The following ACSM2B variants were observed in gnomAD, a reference collection of about 807,000 sequenced individuals.
ACSM2B encodes acyl-coenzyme A synthetase ACSM2B, mitochondrial.
Under a neutral mutation model 78.6 loss-of-function variants are expected in ACSM2B, and 58 were observed. That is an observed-to-expected ratio of 0.74 (90% CI 0.60 to 0.92). The LOEUF (loss-of-function observed/expected upper bound fraction) is 0.92, where lower values mean the gene tolerates loss of function less well. Among genes scored for constraint, ACSM2B ranks in the 40% least tolerant of loss-of-function variants. The pLI is 0.00. For missense variants in ACSM2B, 688 were observed against 711.2 expected, an observed-to-expected ratio of 0.97 and a Z score of 0.37; for synonymous variants, 257 against 256.8, an observed-to-expected ratio of 1.00 and a Z score of -0.01.
chr16:20,548,600 T>C lies in ACSM2B; in HGVS notation c.895-127A>G. ...TGGATGAAAACCCTAGCTTGTTTAC[T>C]ATGTCTGATTCAAGTTAAATGAGCC... On this transcript the variant is annotated intron_variant, in intron 6 of 13. Coordinates refer to ENST00000329697, the MANE Select transcript of ACSM2B (RefSeq NM_001105069.2). 8 of 1,561,510 alleles carry C rather than the reference T, an allele frequency of 5.1e-6. No individual in the cohort carries two copies. The South Asian group carries it at 8.3e-5, about 16-fold the overall frequency.
chr16:20,541,003 C>G (rs2014973411), intron 12 of ACSM2B: 1 of 429,158 alleles, frequency 2.3e-6, no homozygotes. Flanking sequence ...CCAGGCTCAC[C>G]TCATGCTCCA....
chr16:20,559,741 T>C, intron 2 of ACSM2B, among the ~76,000 whole-genome samples: 1 of 151,052 alleles, frequency 6.6e-6, no homozygotes, highest in East Asian at 1.9e-4. Context: ...AATGATAAAG[T>C]GTACTTTTCA....
intron 1 of ACSM2B, among the ~76,000 whole-genome samples, chr16:20,573,060 A>G (rs1290915129): frequency 6.7e-6 from 1 of 149,252 alleles, no homozygotes; most frequent in Non-Finnish European, 1.5e-5. Flanking sequence ...ATACTTTCTC[A>G]GGTAAATTAG....
intron 1 of ACSM2B, chr16:20,574,218 T>C (rs1439018436): frequency 1.3e-5 from 2 of 151,982 alleles, no homozygotes; most frequent in Non-Finnish European, 2.9e-5. Flanking sequence ...AGAAGAAAAA[T>C]ATGGCTCTAT....
rs112627856 is a variant in ACSM2B at position 20,547,063 on chromosome 16, T to A, written c.1099-589A>T. ...AACAGATGAGTGGTGGATGCCTCAC[T>A]GACAGAGACACAGATTGTCATTTTC... On this transcript the variant is annotated intron_variant, in intron 8 of 13. Coordinates refer to ENST00000329697, the MANE Select transcript of ACSM2B (RefSeq NM_001105069.2). 1,655 of 938,680 alleles carry A rather than the reference T, an allele frequency of 1.8e-3. 24 individuals are homozygous for A. The South Asian group carries it at 0.027, about 16-fold the overall frequency. 58.1% of individuals were successfully genotyped at this position (938,680 alleles called of 1,614,324 possible). A position where few individuals can be genotyped will look rare whatever the true frequency, so the allele number is the denominator to read the frequency against.
rs1003653014 is a variant in ACSM2B, at chr16:20,545,974, C to T, written c.1179+420G>A. On this transcript the variant is annotated intron_variant, in intron 9 of 13. Coordinates refer to ENST00000329697, the MANE Select transcript of ACSM2B (RefSeq NM_001105069.2). ...TTGGTCCGATAAAAGGCATAAACAG[C>T]AGTGGATACATACTATTTAATACTA... Among the ~76,000 whole-genome samples the T allele has an allele frequency of 1.3e-4, 20 of 152,296 alleles. 1 individual carries two copies. Among genetic ancestry groups the T allele is most frequent in the African/African-American group, 4.3e-4 (18 of 41,564 alleles).
At position 20,559,467 on chromosome 16, in the gene ACSM2B, G is replaced by A; in HGVS notation, c.178-20C>T. 1 of 1,612,254 alleles carries A rather than the reference G, an allele frequency of 6.2e-7. No individual in the cohort carries two copies. The highest frequency in any genetic ancestry group is 8.5e-7 in the Non-Finnish European group (1 of 1,179,070). On this transcript the variant is annotated intron_variant, in intron 2 of 13. Coordinates refer to ENST00000329697, the MANE Select transcript of ACSM2B (RefSeq NM_001105069.2). ...GCCAGCCTGAGGAAAGAGAAACCCT[G>A]TTGATTAGGGGGCATTGGTACACAA...
chr16:20,550,295 C>T (rs530436883), intron 6 of ACSM2B, among the ~76,000 whole-genome samples: 1 of 152,210 alleles, frequency 6.6e-6, no homozygotes, highest in East Asian at 1.9e-4. Context: ...GCAATAATTT[C>T]CTTCAAATGT....
At chr16:20,567,508 T>TATA (rs1309411185) in intron 1 of ACSM2B, among the ~76,000 whole-genome samples, 7 of 126,412 alleles carry the variant, frequency 5.5e-5, no homozygotes, top group African/African-American at 1.2e-4. Context: ...ATAAAATATA[T>TATA]AAATAATATA....
intron 1 of ACSM2B, among the ~76,000 whole-genome samples, chr16:20,570,361 A>G (rs889758778): frequency 6.6e-6 from 1 of 151,908 alleles, no homozygotes; most frequent in African/African-American, 2.4e-5. Flanking sequence ...GGTGTATCAC[A>G]TTTATTGACT....
In ACSM2B at chr16:20,559,245, A is replaced by G. The variant is rs1340842714; in HGVS notation, c.380T>C (p.Ile127Thr). 6.2e-7 allele frequency: 1 copy of G among 1,611,774 alleles called. No individual in the cohort carries two copies. The highest frequency in any genetic ancestry group is 8.5e-7 in the Non-Finnish European group (1 of 1,178,672). Residue 127 changes from isoleucine (I) to threonine (T), a missense_variant, in exon 3 of 14, where the codon ATT becomes ACT. Physicochemically the swap from Ile to Thr is moderately conservative, Grantham distance 89 (BLOSUM62 -1). Transcript: ENST00000329697. ...GGTAGTCAGTTACCAACCTGCTCGA[A>G]TGCAGCCCAGGATCACCAGCCACCA... ...PEWWLVILGC[I>T]RAGLIFMPGT...
intron 13 of ACSM2B, among the ~76,000 whole-genome samples, chr16:20,540,214 TTTTTTTTTTG>T (rs2014946549): frequency 4.5e-5 from 3 of 66,368 alleles, no homozygotes. Flanking sequence ...GGAAGAGTTG[TTTTTTTTTTG>T]TTTTTTTTTT....
At chr16:20,564,906 C>T in intron 1 of ACSM2B, 53 bp from the exon 2 acceptor site, 2 of 1,541,976 alleles carry the variant, frequency 1.3e-6, no homozygotes, top group Non-Finnish European at 1.7e-6. Flanking sequence ...GATTGCTCTA[C>T]TGATCATCAG....
At chr16:20,557,575 A>G (rs1009790322) in intron 3 of ACSM2B, among the ~76,000 whole-genome samples, 2 of 152,132 alleles carry the variant, frequency 1.3e-5, no homozygotes, top group Admixed American at 6.5e-5. Flanking sequence ...GAGGATGATC[A>G]TGTAACTCAA....
At chr16:20,538,508 A>G (rs2014903361) in intron 13 of ACSM2B, among the ~76,000 whole-genome samples, 1 of 152,164 alleles carries the variant, frequency 6.6e-6, no homozygotes, top group Non-Finnish European at 1.5e-5. Flanking sequence ...ATCCAGATTT[A>G]ATGCTAAGAA....
intron 6 of ACSM2B, among the ~76,000 whole-genome samples, chr16:20,549,362 A>G (rs374616589): frequency 2.0e-5 from 3 of 152,044 alleles, no homozygotes; most frequent in Non-Finnish European, 4.4e-5. Flanking sequence ...TCTGGTGAGA[A>G]CCTTCTTGCT....
At position 20,567,701 on chromosome 16, in the gene ACSM2B, G is replaced by A. The variant is rs2015967646; in HGVS notation, c.-8-2848C>T. ...ATATATCTAGACCTAAGTGGTGAGAGTAAGCATTCATGTCTTGTTCTGGTT... is the reference window on the plus strand; with the variant it reads ...ATATATCTAGACCTAAGTGGTGAGAATAAGCATTCATGTCTTGTTCTGGTT... On this transcript the variant is annotated intron_variant, in intron 1 of 13. Coordinates refer to ENST00000329697, the MANE Select transcript of ACSM2B (RefSeq NM_001105069.2). Among the ~76,000 whole-genome samples the A allele has an allele frequency of 2.2e-5, 3 of 138,288 alleles. No homozygotes were observed. In the Admixed American group the frequency reaches 2.4e-4, roughly 11 times the overall value. The allele number at this position is 138,288 out of a possible 152,430, so 90.7% of individuals were successfully genotyped here.
At position 20,537,294 on chromosome 16, in the gene ACSM2B, C is replaced by T; in HGVS notation, c.1698G>A (p.Lys566=). The T allele has an allele frequency of 6.2e-7, 1 of 1,614,058 alleles. No individual in the cohort carries two copies. Residue 566 remains lysine (K), a synonymous_variant, in exon 14 of 14, where the codon AAG becomes AAA. Coordinates refer to ENST00000329697, the MANE Select transcript of ACSM2B (RefSeq NM_001105069.2). The part of the protein sequence containing the change: ...GKIQRTKLRD[K]EWKMSGKARA... ...GGGCTTTTCCGGACATCTTCCACTC[C>T]TTGTCTCGAAGTTTGGTTCGTTGAA...
intron 3 of ACSM2B, 40 bp downstream of exon 3, chr16:20,559,197 C>A (rs2015564774): frequency 1.3e-6 from 2 of 1,521,086 alleles, no homozygotes; most frequent in Non-Finnish European, 8.8e-7. Context: ...GTTTTCTTCA[C>A]AAGGAAGACA....
Sources: gnomAD v4.1 joint callset for allele counts (sites outside exome capture counted in the v4.1 genomes callset) on GRCh38, gnomAD v4.1.1 for gene constraint, MANE v1.5 for transcripts, NCBI Gene and HGNC (gene_info 2026-07-23, HGNC 2026-07-21) for gene names.